The following PLA2G4A variants were observed in gnomAD, a reference collection of about 807,000 sequenced individuals.
The protein encoded by PLA2G4A is phospholipase A2 group IVA, also known as cytosolic phospholipase A2.
In PLA2G4A, 40 loss-of-function variants were observed where a neutral mutation model predicts 81.9. The observed-to-expected ratio is 0.49, with a 90% CI of 0.38 to 0.64. The LOEUF is 0.64. PLA2G4A is among the 30% of genes least tolerant of loss of function. PLA2G4A has a pLI of 0.00. For missense variants in PLA2G4A, 715 were observed against 905.1 expected (o/e 0.79, Z 2.69); for synonymous variants, 302 against 296.9 (o/e 1.02, Z -0.18).
At chr1:186,870,084 G>A (rs1177331249) in intron 2 of PLA2G4A, among the ~76,000 whole-genome samples, 1 of 152,124 alleles carries the variant, frequency 6.6e-6, no homozygotes, top group Admixed American at 6.6e-5. Flanking sequence ...AGAATGTCTT[G>A]CTCTGAGTTC....
intron 1 of PLA2G4A, among the ~76,000 whole-genome samples, 164 bp from the exon 2 acceptor site, chr1:186,854,122 T>G (rs1178428310): frequency 6.6e-6 from 1 of 151,918 alleles, no homozygotes; most frequent in Non-Finnish European, 1.5e-5. Flanking sequence ...ATGTTTACCT[T>G]TTCTCTAAGT....
At chr1:186,884,765 G>C (rs867219294) in intron 3 of PLA2G4A, among the ~76,000 whole-genome samples, 6 of 151,904 alleles carry the variant, frequency 3.9e-5, no homozygotes, top group South Asian at 2.1e-4. Context: ...TGTAGTCCCA[G>C]CTACTTGGGG....
intron 5 of PLA2G4A, among the ~76,000 whole-genome samples, chr1:186,895,045 C>T (rs1273994563): frequency 6.6e-6 from 1 of 152,174 alleles, no homozygotes; most frequent in African/African-American, 2.4e-5. Context: ...CTCAGCTTCT[C>T]CATGTTGCCT....
In PLA2G4A at chr1:186,956,262, T is replaced by A. The variant is rs780093825; in HGVS notation, c.1497T>A (p.Asn499Lys). Reference sequence around the variant, plus strand: ...ACTTCATGCTGGGCTTGAATCTCAATACATCTTATCCACTGTCTCCTTTGA... The same window carrying A: ...ACTTCATGCTGGGCTTGAATCTCAAAACATCTTATCCACTGTCTCCTTTGA... The part of the protein sequence containing the change: ...VHNFMLGLNL[N>K]TSYPLSPLSD... The change falls in exon 14 of 18, where the codon AAT (asparagine) becomes AAA (lysine). Residue 499 changes from asparagine to lysine, a missense_variant. Coordinates refer to ENST00000367466, the MANE Select transcript of PLA2G4A (RefSeq NM_024420.3). 13 of 1,613,690 alleles carry A rather than the reference T, an allele frequency of 8.1e-6. No individual in the cohort carries two copies. Among genetic ancestry groups the A allele is most frequent in the Non-Finnish European group, 3.4e-6 (4 of 1,179,752 alleles).
chr1:186,862,495 A>G (rs768783604), intron 2 of PLA2G4A, among the ~76,000 whole-genome samples: 13 of 152,162 alleles, frequency 8.5e-5, no homozygotes, highest in Non-Finnish European at 1.9e-4. Flanking sequence ...TACAGGCCTG[A>G]GCCATCGCGC....
chr1:186,842,235 G>T (rs1162748399), intron 1 of PLA2G4A, among the ~76,000 whole-genome samples: 1 of 151,938 alleles, frequency 6.6e-6, no homozygotes, highest in Non-Finnish European at 1.5e-5. Flanking sequence ...TAGAGACAGG[G>T]TTTCACAGTG....
At chr1:186,861,350 CT>C (rs1175228606) in intron 2 of PLA2G4A, among the ~76,000 whole-genome samples, 2 of 152,194 alleles carry the variant, frequency 1.3e-5, no homozygotes, top group African/African-American at 4.8e-5. Flanking sequence ...ATTCTCTCCT[CT>C]TCCGGATCAG....
rs551332321 is a variant in PLA2G4A at position 186,962,433 on chromosome 1, T to TA, written c.1580-2974dup. Among the ~76,000 whole-genome samples the TA allele has an allele frequency of 6.6e-5, 10 of 152,092 alleles. No homozygotes were observed. The South Asian group carries it at 2.1e-3, about 32-fold the overall frequency. On this transcript the variant is annotated intron_variant, in intron 14 of 17. Coordinates refer to ENST00000367466, the MANE Select transcript of PLA2G4A (RefSeq NM_024420.3). ...TAAAATACACATATTAATGTGGTTT[T>TA]AATAACTGATAGGATTATGTGCTGA...
At chr1:186,860,657 T>A (rs1013780788) in intron 2 of PLA2G4A, among the ~76,000 whole-genome samples, 1 of 152,178 alleles carries the variant, frequency 6.6e-6, no homozygotes, top group African/African-American at 2.4e-5. Flanking sequence ...GTAAAATTAA[T>A]CATCACAGCT....
intron 8 of PLA2G4A, among the ~76,000 whole-genome samples, chr1:186,937,965 G>T (rs1327633971): frequency 6.6e-6 from 1 of 152,052 alleles, no homozygotes. Context: ...TCCCCTCGAA[G>T]GGACGATAAC....
At chr1:186,892,243 C>G (rs1194534621) in intron 3 of PLA2G4A, among the ~76,000 whole-genome samples, 1 of 151,802 alleles carries the variant, frequency 6.6e-6, no homozygotes, top group East Asian at 1.9e-4. Flanking sequence ...TGTGGGTTGT[C>G]TCTTCATTTT....
intron 7 of PLA2G4A, among the ~76,000 whole-genome samples, chr1:186,922,586 G>A (rs1183017507): frequency 6.6e-6 from 1 of 152,156 alleles, no homozygotes; most frequent in Admixed American, 6.5e-5. Flanking sequence ...TCCCCTGCAG[G>A]GATGCTCCAC....
At chr1:186,982,685 G>C (rs112125904) in intron 17 of PLA2G4A, among the ~76,000 whole-genome samples, 1 of 149,192 alleles carries the variant, frequency 6.7e-6, no homozygotes. Flanking sequence ...GTGTGTGTGC[G>C]TGTGTGTGTG....
At position 186,904,349 on chromosome 1, in the gene PLA2G4A, A is replaced by G. The variant is rs1197787208; in HGVS notation, c.379-2616A>G. ...TAATTGCCCTAATAATACAAGCAGC[A>G]TGGAAGCCTGTAATGCAGAGATGCT... On this transcript the variant is annotated intron_variant, in intron 5 of 17. Coordinates refer to ENST00000367466, the MANE Select transcript of PLA2G4A (RefSeq NM_024420.3). Among the ~76,000 whole-genome samples, 8 of 152,376 alleles carry G rather than the reference A, an allele frequency of 5.3e-5. No homozygotes were observed. In the East Asian group the frequency reaches 1.3e-3, roughly 26 times the overall value.
chr1:186,932,463 T>C (rs932457348), intron 7 of PLA2G4A, among the ~76,000 whole-genome samples: 9 of 151,906 alleles, frequency 5.9e-5, no homozygotes, highest in Non-Finnish European at 1.2e-4. Flanking sequence ...ACCCAGCTAC[T>C]TTTTATTTTG....
intron 1 of PLA2G4A, among the ~76,000 whole-genome samples, chr1:186,842,662 T>A (rs1652030916): frequency 6.6e-6 from 1 of 152,156 alleles, no homozygotes; most frequent in Non-Finnish European, 1.5e-5. Flanking sequence ...CACCAGGCAC[T>A]CTGTGCACAG....
At chr1:186,918,926 C>A (rs1655245243) in intron 7 of PLA2G4A, among the ~76,000 whole-genome samples, 1 of 152,226 alleles carries the variant, frequency 6.6e-6, no homozygotes, top group Admixed American at 6.5e-5. Flanking sequence ...GCTAACAGGG[C>A]TGTTGCTGCC....
At chr1:186,929,061 A>G (rs1655649887) in intron 7 of PLA2G4A, among the ~76,000 whole-genome samples, 1 of 152,234 alleles carries the variant, frequency 6.6e-6, no homozygotes, top group Non-Finnish European at 1.5e-5. Flanking sequence ...TTTATTACAT[A>G]AAATTGTCCT....
At chr1:186,920,493 C>A (rs571995439) in intron 7 of PLA2G4A, among the ~76,000 whole-genome samples, 5 of 152,214 alleles carry the variant, frequency 3.3e-5, no homozygotes, top group Admixed American at 3.3e-4. Context: ...TAATCCTGAC[C>A]GTGGGCTCCT....
Sources: allele counts gnomAD v4.1 joint callset (sites outside exome capture counted in the v4.1 genomes callset), GRCh38; gene constraint gnomAD v4.1.1; transcripts MANE v1.5; gene names NCBI Gene and HGNC (gene_info 2026-07-23, HGNC 2026-07-21).